The following RAP1A variants were observed in gnomAD, a reference collection of about 807,000 sequenced individuals.
RAP1A encodes the protein RAP1A, member of RAS oncogene family.
In RAP1A, 6 loss-of-function variants were observed where a neutral mutation model predicts 26.4. That is an observed-to-expected ratio of 0.23 (90% CI 0.12 to 0.45). The LOEUF (loss-of-function observed/expected upper bound fraction) is 0.45, where lower values mean the gene tolerates loss of function less well. Among genes scored for constraint, RAP1A ranks in the 20% least tolerant of loss-of-function variants. RAP1A has a pLI of 0.99. For synonymous variants in RAP1A, 73 were observed against 79.4 expected, an observed-to-expected ratio of 0.92 and a Z score of 0.43; for missense variants, 121 against 217.2, an observed-to-expected ratio of 0.56 and a Z score of 2.78.
chr1:111,691,461 A>C (rs753703252), intron 2 of RAP1A, 44 bp downstream of exon 2: 1 of 1,542,770 alleles, frequency 6.5e-7, no homozygotes, highest in South Asian at 1.1e-5. Context: ...TAATACAAGA[A>C]GAATTTTGAC....
At chr1:111,573,219 G>A (rs1658083010) in intron 1 of RAP1A, among the ~76,000 whole-genome samples, 1 of 152,182 alleles carries the variant, frequency 6.6e-6, no homozygotes, top group Admixed American at 6.5e-5. Context: ...ATGTGTGCAT[G>A]TGTCCTTATG....
chr1:111,704,261 G>A (rs898496048), intron 5 of RAP1A, 82 bp from the exon 6 acceptor site: 9 of 1,420,242 alleles, frequency 6.3e-6, no homozygotes, highest in Non-Finnish European at 7.7e-6. Context: ...TCAGTTGGTG[G>A]CAGATAATTG....
rs34075261 is a variant in RAP1A at position 111,691,119 on chromosome 1, T to C, written c.-27-215T>C. Among the ~76,000 whole-genome samples, 9,630 of 152,270 alleles carry C rather than the reference T, an allele frequency of 0.063. 330 individuals are homozygous for C. Among genetic ancestry groups the C allele is most frequent in the Non-Finnish European group, 0.069 (4,691 of 68,002 alleles). On this transcript the variant is annotated intron_variant, in intron 1 of 7. Transcript: ENST00000369709. Reference sequence around the variant, plus strand: ...AAGTAATATGAACATAATTGATGCCTAGTCAAAGATGATCTTCGGTGAATT... The same window carrying C: ...AAGTAATATGAACATAATTGATGCCCAGTCAAAGATGATCTTCGGTGAATT...
chr1:111,600,796 T>TA (rs1448313049), intron 1 of RAP1A, among the ~76,000 whole-genome samples: 2 of 152,364 alleles, frequency 1.3e-5, no homozygotes, highest in African/African-American at 4.8e-5. Flanking sequence ...AGAAACTGCT[T>TA]AAATAATTGT....
Position 111,561,739 on chromosome 1 carries a change from T to G in RAP1A, c.-28+19230T>G, listed in dbSNP as rs192189260. 2.5e-3 allele frequency among the ~76,000 whole-genome samples: 380 copies of G among 152,338 alleles called. 2 individuals carry two copies. The highest frequency in any genetic ancestry group is 8.3e-3 in the African/African-American group (343 of 41,558). On this transcript the variant is annotated intron_variant, in intron 1 of 7. Coordinates refer to the RAP1A transcript ENST00000356415. ...ATGGAGTCTTTCTCTCATATGTGTG[T>G]GTATTTGTGTGTATGTGTGTGTACG...
chr1:111,633,040 T>C (rs550231144), intron 1 of RAP1A, among the ~76,000 whole-genome samples: 2 of 152,196 alleles, frequency 1.3e-5, no homozygotes. Context: ...TGGTGTCTTG[T>C]TGGTTTGAGT....
At chr1:111,611,504 C>T (rs369502409) in intron 1 of RAP1A, among the ~76,000 whole-genome samples, 2 of 152,138 alleles carry the variant, frequency 1.3e-5, no homozygotes, top group East Asian at 3.8e-4. Context: ...AAGTAATTTG[C>T]TTAATGAATA....
upstream of RAP1A, among the ~76,000 whole-genome samples, chr1:111,617,519 G>A (rs1216625170): frequency 2.0e-5 from 3 of 152,030 alleles, no homozygotes; most frequent in Admixed American, 6.5e-5. Context: ...TGCAAGTTCC[G>A]CCTTCCAGGT....
chr1:111,614,985 C>T (rs527606760), upstream of RAP1A, among the ~76,000 whole-genome samples: 8 of 152,086 alleles, frequency 5.3e-5, no homozygotes, highest in East Asian at 1.5e-3. Context: ...TTAGGAGTTG[C>T]AATATGAGAC....
Position 111,703,470 on chromosome 1 carries a change from G to T in RAP1A, c.318G>T (p.Thr106=), listed in dbSNP as rs757301118. 1 of 1,583,078 alleles carries T rather than the reference G, an allele frequency of 6.3e-7. No homozygotes were observed. Residue 106 remains threonine, a synonymous_variant, in exon 5 of 8, where the codon ACG becomes ACT. Transcript: ENST00000369709. ...AACAGATTTTACGGGTTAAGGACAC[G>T]GAAGATGTAAGTATTTTTTCTCTCT... ...LREQILRVKD[T]EDVPMILVGN...
intron 1 of RAP1A, among the ~76,000 whole-genome samples, chr1:111,670,080 G>A (rs1025009396): frequency 1.5e-4 from 23 of 151,594 alleles, no homozygotes; most frequent in Non-Finnish European, 2.8e-4. Context: ...GTTTTTTTTT[G>A]TTCTCACTAT....
rs1193621038 is a variant in RAP1A at position 111,549,961 on chromosome 1, G to GT, written c.-28+7459dup. Among the ~76,000 whole-genome samples, 14 of 152,134 alleles carry GT rather than the reference G, an allele frequency of 9.2e-5. No individual in the cohort carries two copies. The South Asian group carries it at 2.7e-3, about 29-fold the overall frequency. On this transcript the variant is annotated intron_variant, in intron 1 of 7. Transcript: ENST00000356415. Reference sequence around the variant, plus strand: ...AGCACCACAGCCAGCCTTGTTTTGGGTTTTTTTGTTGGAAGTTTTTTGATT... The same window carrying GT: ...AGCACCACAGCCAGCCTTGTTTTGGGTTTTTTTTGTTGGAAGTTTTTTGATT...
intron 1 of RAP1A, among the ~76,000 whole-genome samples, chr1:111,690,822 TCTC>T (rs1428347490): frequency 2.6e-5 from 4 of 152,228 alleles, no homozygotes; most frequent in Non-Finnish European, 4.4e-5. Flanking sequence ...TTTCATCTGA[TCTC>T]CTGTTCACAT....
chr1:111,559,604 G>C (rs982240708), intron 1 of RAP1A, among the ~76,000 whole-genome samples: 2 of 152,022 alleles, frequency 1.3e-5, no homozygotes, highest in Non-Finnish European at 2.9e-5. Flanking sequence ...TAATCAAATG[G>C]TATCCAATGA....
At chr1:111,583,469 C>A (rs1427106428) in intron 1 of RAP1A, among the ~76,000 whole-genome samples, 14 of 143,998 alleles carry the variant, frequency 9.7e-5, no homozygotes, top group African/African-American at 1.5e-4. Flanking sequence ...AGACCCCATT[C>A]AAAAAAAAAA....
chr1:111,610,533 AACACACACACACACACACACACAC>A (rs71099922), intron 1 of RAP1A, among the ~76,000 whole-genome samples: 1 of 141,794 alleles, frequency 7.1e-6, no homozygotes. Flanking sequence ...CCCTCCACCC[AACACACACACACACACACACACAC>A]ACACACACAC....
chr1:111,590,160 C>G (rs895354022), intron 1 of RAP1A, among the ~76,000 whole-genome samples: 2 of 147,884 alleles, frequency 1.4e-5, no homozygotes, highest in African/African-American at 4.8e-5. Flanking sequence ...TTGCTGAACT[C>G]TCTTAATAGT....
At chr1:111,586,220 A>T (rs1658362501) in intron 1 of RAP1A, among the ~76,000 whole-genome samples, 1 of 152,216 alleles carries the variant, frequency 6.6e-6, no homozygotes, top group African/African-American at 2.4e-5. Flanking sequence ...TTAAACAACA[A>T]GTAAGCTCAA....
At chr1:111,688,715 T>A (rs1661571212) in intron 1 of RAP1A, among the ~76,000 whole-genome samples, 1 of 152,162 alleles carries the variant, frequency 6.6e-6, no homozygotes, top group South Asian at 2.1e-4. Context: ...GGAATTTGAT[T>A]ATTGTGCCTC....
Sources: allele counts gnomAD v4.1 joint callset (sites outside exome capture counted in the v4.1 genomes callset), GRCh38; gene constraint gnomAD v4.1.1; transcripts MANE v1.5; gene names NCBI Gene and HGNC (gene_info 2026-07-23, HGNC 2026-07-21).